The following ZFHX3 variants were observed in gnomAD, a reference collection of about 807,000 sequenced individuals.
The protein encoded by ZFHX3 is zinc finger homeobox protein 3.
In ZFHX3, 42 loss-of-function variants were observed where a neutral mutation model predicts 279.1. The ratio of observed to expected loss-of-function variants is 0.15; its 90% CI spans 0.12 to 0.19. ZFHX3 has a LOEUF of 0.19. Ranked by LOEUF, ZFHX3 falls within the 10% of genes least tolerant of loss-of-function variation. The probability of loss-of-function intolerance (pLI) is 1.00; values close to 1 mark genes in which losing one functional copy is unlikely to be tolerated. For synonymous variants in ZFHX3, 2,293 were observed against 1,957.8 expected (o/e 1.17, Z -4.52); for missense variants, 4,981 against 4,754.0 (o/e 1.05, Z -1.40).
chr16:73,777,640 A>G (rs745343720), intron 1 of ZFHX3, among the ~76,000 whole-genome samples: 10 of 151,984 alleles, frequency 6.6e-5, no homozygotes, highest in African/African-American at 2.2e-4. Flanking sequence ...CATCTTTCCA[A>G]CTGTATCAAT....
chr16:72,802,004 A>C (rs1394888827), intron 7 of ZFHX3, among the ~76,000 whole-genome samples: 1 of 152,070 alleles, frequency 6.6e-6, no homozygotes, highest in Non-Finnish European at 1.5e-5. Context: ...AATTATGAAA[A>C]ATGAATCATG....
intron 3 of ZFHX3, among the ~76,000 whole-genome samples, chr16:72,934,666 C>T (rs1391184544): frequency 1.4e-5 from 2 of 139,606 alleles, no homozygotes; most frequent in African/African-American, 5.8e-5. Context: ...TCCCTCCCTT[C>T]ACCTTCATAA....
chr16:73,280,589 T>G (rs1323412753), intron 4 of ZFHX3, among the ~76,000 whole-genome samples: 1 of 152,000 alleles, frequency 6.6e-6, no homozygotes, highest in Non-Finnish European at 1.5e-5. Context: ...TGACTCATAT[T>G]TTAAAAAAAA....
At chr16:73,038,510 G>A (rs1022307437) in intron 1 of ZFHX3, among the ~76,000 whole-genome samples, 2 of 152,342 alleles carry the variant, frequency 1.3e-5, no homozygotes, top group South Asian at 2.1e-4. Flanking sequence ...ACAACTGCAC[G>A]CGGCTTCTGA....
intron 7 of ZFHX3, among the ~76,000 whole-genome samples, chr16:73,127,850 T>C (rs138897544): frequency 7.8e-4 from 119 of 152,288 alleles, no homozygotes; most frequent in African/African-American, 2.5e-3. Flanking sequence ...CTCGGAAGGA[T>C]TGTAATTCTT....
chr16:73,312,482 T>C (rs189002483), intron 4 of ZFHX3, among the ~76,000 whole-genome samples: 1 of 152,180 alleles, frequency 6.6e-6, no homozygotes, highest in Non-Finnish European at 1.5e-5. Context: ...GACTTAATGA[T>C]AGTGTGTCAA....
At chr16:73,153,119 C>G (rs1451102116) in intron 5 of ZFHX3, among the ~76,000 whole-genome samples, 2 of 152,178 alleles carry the variant, frequency 1.3e-5, no homozygotes, top group East Asian at 3.9e-4. Flanking sequence ...TCCTACCCCT[C>G]CAGCCCCACC....
chr16:73,272,573 C>G (rs1254083050), intron 4 of ZFHX3, among the ~76,000 whole-genome samples: 2 of 152,086 alleles, frequency 1.3e-5, no homozygotes, highest in African/African-American at 4.8e-5. Flanking sequence ...TCTATGGACA[C>G]AAAACAAATA....
At chr16:73,269,311 G>C (rs2014076673) in intron 4 of ZFHX3, among the ~76,000 whole-genome samples, 1 of 152,116 alleles carries the variant, frequency 6.6e-6, no homozygotes, top group Non-Finnish European at 1.5e-5. Context: ...ATTCTTTCTT[G>C]TTTGTTTCTC....
At chr16:73,651,010 A>G (rs1323314775) in intron 2 of ZFHX3, among the ~76,000 whole-genome samples, 1 of 152,366 alleles carries the variant, frequency 6.6e-6, no homozygotes, top group Non-Finnish European at 1.5e-5. Flanking sequence ...TCAAGGTGTA[A>G]TAAACAAAAT....
chr16:73,697,234 G>A (rs1243870795), intron 1 of ZFHX3, among the ~76,000 whole-genome samples: 1 of 144,200 alleles, frequency 6.9e-6, no homozygotes, highest in Non-Finnish European at 1.5e-5. Context: ...TTTTTTTTTA[G>A]CAATAGTAAA....
At chr16:73,191,711 C>A (rs1968040374) in intron 5 of ZFHX3, among the ~76,000 whole-genome samples, 1 of 147,250 alleles carries the variant, frequency 6.8e-6, no homozygotes, top group Non-Finnish European at 1.5e-5. Flanking sequence ...AGAGACAATA[C>A]AGAGCTGTAT....
In ZFHX3 at chr16:72,788,782, G is replaced by A; in HGVS notation, c.9494C>T (p.Pro3165Leu). Residue 3165 changes from proline (P) to leucine (L), a missense_variant, in exon 10 of 10, where the codon CCC becomes CTC. By Grantham distance (98) the Pro-to-Leu change is moderately conservative. This residue lies in a region of ZFHX3 where 1,034 missense variants were observed against 786.0 expected (regional missense o/e 1.32). Transcript: ENST00000268489. ...CGGTTTATTTGGTAATCCAGAAGTG[G>A]GGAGGCCAGGGGAAGGAACAGTTGT... is the stretch of plus-strand genomic sequence containing the variant. ...PSTTVPSPGL[P>L]TSGLPNKPSS... The A allele has an allele frequency of 6.5e-7, 1 of 1,548,708 alleles. No homozygotes were observed. Among genetic ancestry groups the A allele is most frequent in the Non-Finnish European group, 8.7e-7 (1 of 1,150,384 alleles).
rs562258606 is a variant in ZFHX3, at chr16:73,084,753, C to T, written c.-533+8482G>A. ...GCCAGGATGGTCTCGATCTCCTGGC[C>T]TCGTGATCCGCCCACCTCAGCCTCC... On this transcript the variant is annotated intron_variant, in intron 8 of 17. Transcript: ENST00000641206. 2.6e-5 allele frequency among the ~76,000 whole-genome samples: 4 copies of T among 152,158 alleles called. No individual in the cohort carries two copies. The East Asian group carries it at 7.7e-4, about 29-fold the overall frequency.
At chr16:72,811,466 T>C in intron 7 of ZFHX3, 111 bp downstream of exon 7, 2 of 1,195,750 alleles carry the variant, frequency 1.7e-6, no homozygotes, top group Non-Finnish European at 2.3e-6. Context: ...TTTCTGACGT[T>C]TCCAACTCTA....
intron 1 of ZFHX3, among the ~76,000 whole-genome samples, chr16:73,018,183 G>A (rs1451560814): frequency 1.3e-5 from 2 of 151,572 alleles, no homozygotes; most frequent in East Asian, 3.9e-4. Context: ...ATAGAGACAG[G>A]GTCTCACTAT....
intron 3 of ZFHX3, among the ~76,000 whole-genome samples, chr16:72,928,966 G>A (rs1018377293): frequency 1.1e-4 from 16 of 151,984 alleles, no homozygotes; most frequent in Admixed American, 4.6e-4. Flanking sequence ...GGCTGGGTGC[G>A]GGAGCTCATG....
chr16:72,958,392 C>A lies in ZFHX3; in HGVS notation c.1754G>T (p.Gly585Val). ...EGVRANVAEG[G>V]RRLDFADESA... Reference sequence around the variant, plus strand: ...TTCGTCAGCGAAGTCCAGCCTCCTGCCGCCCTCTGCCACATTGGCCCTGAC... The same window carrying A: ...TTCGTCAGCGAAGTCCAGCCTCCTGACGCCCTCTGCCACATTGGCCCTGAC... The change falls in exon 2 of 10, where the codon GGC (glycine) becomes GTC (valine). Residue 585 changes from glycine to valine, a missense_variant. Physicochemically the swap from Gly to Val is moderately radical, Grantham distance 109. This residue lies in a region of ZFHX3 where 1,068 missense variants were observed against 935.2 expected (regional missense o/e 1.14). Coordinates refer to ENST00000268489, the MANE Select transcript of ZFHX3 (RefSeq NM_006885.4). 2 of 1,614,212 alleles carry A rather than the reference C, an allele frequency of 1.2e-6. No individual in the cohort carries two copies. Among genetic ancestry groups the A allele is most frequent in the Non-Finnish European group, 1.7e-6 (2 of 1,180,042 alleles).
chr16:73,083,875 C>T (rs1342619225), intron 8 of ZFHX3, among the ~76,000 whole-genome samples: 1 of 152,120 alleles, frequency 6.6e-6, no homozygotes, highest in African/African-American at 2.4e-5. Context: ...ACAGATACCC[C>T]AGAACATGCC....
Sources: gnomAD v4.1 joint callset for allele counts (sites outside exome capture counted in the v4.1 genomes callset) on GRCh38, gnomAD v4.1.1 for gene constraint, gnomAD v4.1.1 regional missense constraint, MANE v1.5 for transcripts, NCBI Gene and HGNC (gene_info 2026-07-23, HGNC 2026-07-21) for gene names.